METAP1: variants seen among roughly 807,000 people sequenced by gnomAD.
METAP1 encodes methionine aminopeptidase 1.
A neutral mutation model predicts 53.8 loss-of-function variants in METAP1; 28 were observed. The observed-to-expected ratio is 0.52, with a 90% CI of 0.39 to 0.71. METAP1 has a LOEUF of 0.71. METAP1 is among the 30% of genes least tolerant of loss of function. The probability of loss-of-function intolerance (pLI) is 0.00; values close to 1 mark genes in which losing one functional copy is unlikely to be tolerated. For synonymous variants in METAP1, 181 were observed against 165.7 expected (o/e 1.09, Z -0.71); for missense variants, 389 against 479.8 (o/e 0.81, Z 1.77).
chr4:99,048,767 C>G lies in METAP1; in HGVS notation c.822C>G (p.Asn274Lys). ...GTGTTCGGTACAGAGAATTGGGAAACATTATCCAGAAGCATGCCCAAGCAA... is the reference window on the plus strand; with the variant it reads ...GTGTTCGGTACAGAGAATTGGGAAAGATTATCCAGAAGCATGCCCAAGCAA... ...KPGVRYRELG[N>K]IIQKHAQANG... Residue 274 changes from asparagine (N) to lysine (K), a missense_variant, in exon 9 of 11, where the codon AAC becomes AAG. Physicochemically the swap from Asn to Lys is moderately conservative, Grantham distance 94. Coordinates refer to ENST00000296411, the MANE Select transcript of METAP1 (RefSeq NM_015143.3). 3 of 1,613,954 alleles carry G rather than the reference C, an allele frequency of 1.9e-6. No individual in the cohort carries two copies. The highest frequency in any genetic ancestry group is 2.5e-6 in the Non-Finnish European group (3 of 1,179,860).
At chr4:99,017,466 C>T (rs773200910) in intron 1 of METAP1, among the ~76,000 whole-genome samples, 4 of 152,212 alleles carry the variant, frequency 2.6e-5, no homozygotes, top group Admixed American at 6.5e-5. Flanking sequence ...ATCAAACATC[C>T]GAGAGGACCC....
intron 1 of METAP1, chr4:99,022,703 T>A: frequency 6.8e-7 from 1 of 1,478,524 alleles, no homozygotes; most frequent in Non-Finnish European, 9.3e-7. Flanking sequence ...GTACTTGAGA[T>A]TCCATAGGTC....
At chr4:99,000,765 G>A (rs1024603452) in intron 1 of METAP1, among the ~76,000 whole-genome samples, 3 of 148,702 alleles carry the variant, frequency 2.0e-5, no homozygotes, top group African/African-American at 5.0e-5. Context: ...GTGCAGTGGC[G>A]TGATCTTGGT....
chr4:99,003,127 G>C (rs1230171), intron 1 of METAP1, among the ~76,000 whole-genome samples: 115,039 of 152,178 alleles, frequency 0.76, 44,053 homozygotes, highest in East Asian at 0.99. Context: ...ATTGGGGTCT[G>C]CTATCTGCTA....
intron 8 of METAP1, among the ~76,000 whole-genome samples, chr4:99,045,867 A>G (rs1002946897): frequency 6.6e-6 from 1 of 152,242 alleles, no homozygotes; most frequent in African/African-American, 2.4e-5. Flanking sequence ...CAACTATCAT[A>G]GAGATCTTTT....
chr4:99,015,542 A>G (rs1318705027), intron 1 of METAP1, among the ~76,000 whole-genome samples: 1 of 152,182 alleles, frequency 6.6e-6, no homozygotes. Context: ...GCTCAGTACA[A>G]ACCCCTCCTG....
chr4:99,054,125 A>G (rs964294538), intron 9 of METAP1, among the ~76,000 whole-genome samples: 1 of 152,046 alleles, frequency 6.6e-6, no homozygotes, highest in Non-Finnish European at 1.5e-5. Flanking sequence ...CCAGTTGTTG[A>G]CTTCTCCTCT....
At chr4:98,999,094 A>G (rs1309267521) in intron 1 of METAP1, among the ~76,000 whole-genome samples, 1 of 152,182 alleles carries the variant, frequency 6.6e-6, no homozygotes, top group African/African-American at 2.4e-5. Flanking sequence ...GGCGTGAGCC[A>G]CCATGCCCGG....
At chr4:99,055,028 G>T (rs1726994868) in intron 9 of METAP1, among the ~76,000 whole-genome samples, 1 of 152,030 alleles carries the variant, frequency 6.6e-6, no homozygotes, top group South Asian at 2.1e-4. Flanking sequence ...AACATGCACT[G>T]TTGGAAAAAT....
chr4:99,056,299 T>C (rs1037679243), intron 9 of METAP1, among the ~76,000 whole-genome samples: 2 of 152,246 alleles, frequency 1.3e-5, no homozygotes, highest in Admixed American at 1.3e-4. Context: ...TAACTTGGAA[T>C]TTAAATTAGT....
At chr4:98,997,640 T>G (rs1378195794) in intron 1 of METAP1, among the ~76,000 whole-genome samples, 5 of 152,194 alleles carry the variant, frequency 3.3e-5, no homozygotes, top group African/African-American at 1.2e-4. Flanking sequence ...TGAAACCACA[T>G]TCATGAAACA....
chr4:99,019,407 C>T (rs1489280583), intron 1 of METAP1, among the ~76,000 whole-genome samples: 2 of 152,162 alleles, frequency 1.3e-5, no homozygotes, highest in Admixed American at 6.5e-5. Context: ...GCCTTTAGGT[C>T]AGGGCATTCT....
chr4:99,013,904 T>C (rs1012305858), intron 1 of METAP1, among the ~76,000 whole-genome samples: 2 of 152,220 alleles, frequency 1.3e-5, no homozygotes, highest in Non-Finnish European at 2.9e-5. Flanking sequence ...TTTGAGGAAC[T>C]TCTCCATTCC....
intron 4 of METAP1, among the ~76,000 whole-genome samples, chr4:99,036,965 AT>A (rs1725465558): frequency 6.6e-6 from 1 of 152,028 alleles, no homozygotes; most frequent in African/African-American, 2.4e-5. Flanking sequence ...TTTCTGCTAT[AT>A]TTTTCGCAGC....
chr4:99,027,356 A>G (rs960951320), intron 1 of METAP1, among the ~76,000 whole-genome samples: 4 of 152,160 alleles, frequency 2.6e-5, no homozygotes, highest in African/African-American at 4.8e-5. Flanking sequence ...GGATGTTTTT[A>G]TGGGGATTGT....
At chr4:98,997,481 A>G (rs1722693678) in intron 1 of METAP1, 1 of 154,798 alleles carries the variant, frequency 6.5e-6, no homozygotes, top group Admixed American at 6.5e-5. Flanking sequence ...CCCAAATTCT[A>G]TCTTGTTGTG....
chr4:99,011,304 T>G (rs1035961792), intron 1 of METAP1, among the ~76,000 whole-genome samples: 1 of 152,202 alleles, frequency 6.6e-6, no homozygotes, highest in African/African-American at 2.4e-5. Flanking sequence ...GTCTTATATA[T>G]GAGCTTTGTT....
At chr4:99,030,337 C>T (rs1227564428) in intron 2 of METAP1, among the ~76,000 whole-genome samples, 2 of 152,138 alleles carry the variant, frequency 1.3e-5, no homozygotes, top group African/African-American at 4.8e-5. Context: ...CAAGTGTTCC[C>T]TATGTAAAAA....
Position 99,032,340 on chromosome 4 carries a change from A to G in METAP1, c.167-1890A>G, listed in dbSNP as rs538091757. Among the ~76,000 whole-genome samples the G allele has an allele frequency of 1.4e-3, 212 of 151,090 alleles. 1 individual carries two copies. Among genetic ancestry groups the G allele is most frequent in the African/African-American group, 2.7e-3 (112 of 41,126 alleles). ...CCTCCTGGGCTCGAGCAATCCTTCT[A>G]TTTCACCTCAGCCTTCCGAGTAGTT... On this transcript the variant is annotated intron_variant, in intron 2 of 10. Coordinates refer to ENST00000296411, the MANE Select transcript of METAP1 (RefSeq NM_015143.3).
Sources: allele counts gnomAD v4.1 joint callset (sites outside exome capture counted in the v4.1 genomes callset), GRCh38; gene constraint gnomAD v4.1.1; transcripts MANE v1.5; gene names NCBI Gene and HGNC (gene_info 2026-07-23, HGNC 2026-07-21).